The following ADAMTSL1 variants were observed in gnomAD, a reference collection of about 807,000 sequenced individuals.
ADAMTSL1 encodes the protein ADAMTS like 1.
A neutral mutation model predicts 201.8 loss-of-function variants in ADAMTSL1; 126 were observed. The observed-to-expected ratio is 0.62, with a 90% CI of 0.54 to 0.72. ADAMTSL1 has a LOEUF of 0.72. ADAMTSL1 is among the 30% of genes least tolerant of loss of function. ADAMTSL1 has a pLI of 0.00. For synonymous variants in ADAMTSL1, 1,121 were observed against 903.4 expected, an observed-to-expected ratio of 1.24 and a Z score of -4.32; for missense variants, 2,679 against 2,277.8, an observed-to-expected ratio of 1.18 and a Z score of -3.59.
At chr9:18,615,252 G>A (rs1466806374) in intron 4 of ADAMTSL1, among the ~76,000 whole-genome samples, 1 of 152,196 alleles carries the variant, frequency 6.6e-6, no homozygotes, top group Non-Finnish European at 1.5e-5. Flanking sequence ...AAAACCAAGT[G>A]TGTAAAAGAG....
At chr9:18,784,885 G>T (rs986326968) in intron 19 of ADAMTSL1, among the ~76,000 whole-genome samples, 3 of 152,220 alleles carry the variant, frequency 2.0e-5, no homozygotes, top group Admixed American at 6.5e-5. Flanking sequence ...TCGAGCTGGG[G>T]TGAGGCGCGG....
At chr9:18,037,544 A>G (rs1821252820) in intron 1 of ADAMTSL1, among the ~76,000 whole-genome samples, 2 of 152,158 alleles carry the variant, frequency 1.3e-5, no homozygotes, top group Middle Eastern at 3.2e-3. Context: ...AGTGTTAATG[A>G]TTGTCAAAGT....
intron 1 of ADAMTSL1, among the ~76,000 whole-genome samples, chr9:18,008,392 C>G (rs1819916127): frequency 6.6e-6 from 1 of 151,924 alleles, no homozygotes; most frequent in Admixed American, 6.6e-5. Flanking sequence ...CTTGGCATAA[C>G]AAACAAACTT....
chr9:18,087,234 G>A (rs1210114965), intron 1 of ADAMTSL1, among the ~76,000 whole-genome samples: 1 of 151,848 alleles, frequency 6.6e-6, no homozygotes, highest in Non-Finnish European at 1.5e-5. Context: ...GCCAGAAGTT[G>A]TTCATGTTTA....
At chr9:18,530,346 T>A (rs1051367610) in intron 2 of ADAMTSL1, among the ~76,000 whole-genome samples, 6 of 152,102 alleles carry the variant, frequency 3.9e-5, no homozygotes, top group Admixed American at 6.6e-5. Flanking sequence ...AGGTAAAAAA[T>A]TTTTAAAAAG....
chr9:18,520,790 T>A (rs7027141), intron 2 of ADAMTSL1, among the ~76,000 whole-genome samples: 89,145 of 151,976 alleles, frequency 0.59, 26,426 homozygotes, highest in East Asian at 0.8. Flanking sequence ...TCATCATAAT[T>A]GTTTGGCTTG....
chr9:18,356,696 T>A (rs1836258642), intron 2 of ADAMTSL1, among the ~76,000 whole-genome samples: 1 of 151,302 alleles, frequency 6.6e-6, no homozygotes, highest in Admixed American at 6.6e-5. Flanking sequence ...TCAATAAAAT[T>A]GACATATAAC....
At chr9:18,903,851 G>GA (rs565276186) in intron 26 of ADAMTSL1, among the ~76,000 whole-genome samples, 1,610 of 134,438 alleles carry the variant, frequency 0.012, 12 homozygotes, top group African/African-American at 0.023. Context: ...ACCTTTGGTT[G>GA]AAAAAAAAAA....
At chr9:18,531,784 C>G (rs142573259) in intron 2 of ADAMTSL1, among the ~76,000 whole-genome samples, 1 of 152,166 alleles carries the variant, frequency 6.6e-6, no homozygotes, top group Admixed American at 6.5e-5. Flanking sequence ...CACAGAAGCT[C>G]TGTGGACGTT....
chr9:17,918,123 A>C (rs1259475584), intron 1 of ADAMTSL1, among the ~76,000 whole-genome samples: 4 of 151,224 alleles, frequency 2.6e-5, no homozygotes, highest in South Asian at 2.1e-4. Flanking sequence ...GGTTTAATGA[A>C]TTTTTCTTTG....
At chr9:18,886,038 G>T (rs1828830203) in intron 23 of ADAMTSL1, among the ~76,000 whole-genome samples, 1 of 151,580 alleles carries the variant, frequency 6.6e-6, no homozygotes, top group Non-Finnish European at 1.5e-5. Context: ...TGTAATCCTT[G>T]CACTTTGAGA....
At chr9:18,706,150 A>C (rs1339229647) in intron 13 of ADAMTSL1, among the ~76,000 whole-genome samples, 1 of 152,214 alleles carries the variant, frequency 6.6e-6, no homozygotes, top group Non-Finnish European at 1.5e-5. Flanking sequence ...TTTTCCAGGA[A>C]AGGAATGGAG....
intron 1 of ADAMTSL1, among the ~76,000 whole-genome samples, chr9:18,160,551 C>T (rs571173598): frequency 2.4e-4 from 36 of 152,010 alleles, no homozygotes; most frequent in African/African-American, 8.0e-4. Context: ...ACGCTAAGTA[C>T]CTTAAAACTG....
chr9:18,609,043 G>T (rs916554371), intron 4 of ADAMTSL1, among the ~76,000 whole-genome samples: 1 of 151,994 alleles, frequency 6.6e-6, no homozygotes, highest in Non-Finnish European at 1.5e-5. Context: ...AACTCCAAAG[G>T]AGAAAAAAGG....
intron 1 of ADAMTSL1, among the ~76,000 whole-genome samples, chr9:18,022,572 G>A (rs1260741792): frequency 6.6e-6 from 1 of 152,006 alleles, no homozygotes; most frequent in African/African-American, 2.4e-5. Flanking sequence ...AAAAGTGTGT[G>A]ATTAAAGCTG....
At chr9:18,713,119 C>A (rs954892221) in intron 14 of ADAMTSL1, among the ~76,000 whole-genome samples, 1 of 151,322 alleles carries the variant, frequency 6.6e-6, no homozygotes, top group Non-Finnish European at 1.5e-5. Flanking sequence ...TGGAAAGGAA[C>A]AACCGGTACC....
At chr9:18,125,664 C>G (rs1293936096) in intron 1 of ADAMTSL1, among the ~76,000 whole-genome samples, 1 of 152,288 alleles carries the variant, frequency 6.6e-6, no homozygotes, top group East Asian at 1.9e-4. Context: ...TCCCAACCGA[C>G]TTTGTTGAAG....
At chr9:18,255,188 G>C (rs1057244739) in intron 2 of ADAMTSL1, among the ~76,000 whole-genome samples, 1 of 152,096 alleles carries the variant, frequency 6.6e-6, no homozygotes. Flanking sequence ...GGCTGTCAAG[G>C]GATGAAAGCT....
chr9:18,386,794 C>T (rs1331944716), intron 2 of ADAMTSL1, among the ~76,000 whole-genome samples: 1 of 152,112 alleles, frequency 6.6e-6, no homozygotes, highest in African/African-American at 2.4e-5. Context: ...AATTTCTTTG[C>T]TGTTTTGGAT....
Sources: allele counts gnomAD v4.1 joint callset (sites outside exome capture counted in the v4.1 genomes callset), GRCh38; gene constraint gnomAD v4.1.1; transcripts MANE v1.5; gene names NCBI Gene and HGNC (gene_info 2026-07-23, HGNC 2026-07-21).